Variants in PEX5L observed in about 807,000 individuals in gnomAD.
PEX5L encodes the protein PEX5-related protein.
Under a neutral mutation model 84.0 loss-of-function variants are expected in PEX5L, and 30 were observed. That is an observed-to-expected ratio of 0.36 (90% CI 0.27 to 0.48). The LOEUF is 0.48. Among genes scored for constraint, PEX5L ranks in the 20% least tolerant of loss-of-function variants. PEX5L has a pLI of 0.99. For missense variants in PEX5L, 533 were observed against 754.6 expected (o/e 0.71, Z 3.44); for synonymous variants, 270 against 283.1 (o/e 0.95, Z 0.46).
In PEX5L at chr3:179,805,448, G is replaced by A. The variant is rs143010722; in HGVS notation, c.1676+2226C>T. On this transcript the variant is annotated intron_variant, in intron 14 of 14. Transcript: ENST00000467460. ...ATAGCATAATATTTGCATATAGCCT[G>A]CACACACCTCCCATATACTTTAAAT... is the stretch of plus-strand genomic sequence containing the variant. Among the ~76,000 whole-genome samples the A allele has an allele frequency of 8.1e-3, 1,237 of 152,102 alleles. 20 individuals carry two copies. The highest frequency in any genetic ancestry group is 0.029 in the African/African-American group (1,198 of 41,468).
chr3:179,916,224 C>T (rs1767034676), intron 2 of PEX5L, among the ~76,000 whole-genome samples: 2 of 152,132 alleles, frequency 1.3e-5, no homozygotes, highest in South Asian at 2.1e-4. Flanking sequence ...CGTGTGGACA[C>T]TATAGAGTGT....
chr3:179,997,562 T>C (rs551535819), intron 1 of PEX5L, among the ~76,000 whole-genome samples: 1 of 152,072 alleles, frequency 6.6e-6, no homozygotes, highest in African/African-American at 2.4e-5. Flanking sequence ...CCTGGAGGGG[T>C]TGCAGAGATT....
chr3:179,833,086 TTA>T (rs1443583541), intron 8 of PEX5L, among the ~76,000 whole-genome samples: 2 of 152,178 alleles, frequency 1.3e-5, no homozygotes, highest in African/African-American at 4.8e-5. Context: ...CAACTCCTCC[TTA>T]TGAGGATGGA....
chr3:179,940,687 G>A (rs28433047), intron 2 of PEX5L, among the ~76,000 whole-genome samples: 5,231 of 152,194 alleles, frequency 0.034, 309 homozygotes, highest in African/African-American at 0.12. Context: ...TGCTCTGCCT[G>A]TATATTTAGA....
At chr3:179,938,470 T>C (rs1174378377) in intron 2 of PEX5L, among the ~76,000 whole-genome samples, 1 of 152,236 alleles carries the variant, frequency 6.6e-6, no homozygotes, top group Non-Finnish European at 1.5e-5. Flanking sequence ...GCATGATGAA[T>C]ACAAACCTCT....
chr3:180,007,734 AGGTTTGT>A (rs1789047352), intron 1 of PEX5L, among the ~76,000 whole-genome samples: 1 of 152,226 alleles, frequency 6.6e-6, no homozygotes, highest in South Asian at 2.1e-4. Flanking sequence ...GAAGCTGCCA[AGGTTTGT>A]GGCTTGTACT....
intron 2 of PEX5L, among the ~76,000 whole-genome samples, chr3:179,901,011 CTG>C (rs1243691199): frequency 6.6e-6 from 1 of 152,168 alleles, no homozygotes; most frequent in African/African-American, 2.4e-5. Context: ...TAAAATCAAG[CTG>C]TGTTATTTCT....
rs114113887 is a variant in PEX5L at position 179,817,472 on chromosome 3, T to C, written c.940-1468A>G. Among the ~76,000 whole-genome samples, 245 of 152,316 alleles carry C rather than the reference T, an allele frequency of 1.6e-3. 1 individual carries two copies. Among genetic ancestry groups the C allele is most frequent in the African/African-American group, 5.5e-3 (230 of 41,560 alleles). The stretch of plus-strand genomic sequence containing the variant: ...AAATAAAACTACGGTGAAAGCCTTA[T>C]GCACAAATCTTTGCTGCATGTACTT... On this transcript the variant is annotated intron_variant, in intron 9 of 14. Transcript: ENST00000467460.
At chr3:180,022,891 G>T (rs1235571916) in intron 1 of PEX5L, among the ~76,000 whole-genome samples, 1 of 152,202 alleles carries the variant, frequency 6.6e-6, no homozygotes, top group East Asian at 1.9e-4. Flanking sequence ...AAATGTTACA[G>T]GTGTTGAGTG....
intron 1 of PEX5L, 87 bp downstream of exon 1, chr3:180,036,492 C>T (rs921550296): frequency 3.3e-6 from 4 of 1,217,444 alleles, no homozygotes; most frequent in African/African-American, 3.0e-5. Context: ...TGTGCGAAGG[C>T]AGCACTTGAC....
At chr3:179,971,473 TTATGCAGGCTTTAGTCA>T (rs1483200987) in intron 2 of PEX5L, 104 bp downstream of exon 2, 1 of 1,291,104 alleles carries the variant, frequency 7.7e-7, no homozygotes, top group African/African-American at 1.5e-5. Context: ...CAAAATCTTG[TTATGCAGGCTTTAGTCA>T]GACAGGCTAA....
In PEX5L at chr3:180,023,804, A is replaced by ACCCCCTTCAGAGCCATAC. The variant is rs1430504391; in HGVS notation, c.21+12774_21+12775insGTATGGCTCTGAAGGGGG. Among the ~76,000 whole-genome samples the ACCCCCTTCAGAGCCATAC allele has an allele frequency of 4.5e-4, 66 of 147,500 alleles. 1 individual carries two copies. The highest frequency in any genetic ancestry group is 1.6e-3 in the African/African-American group (61 of 37,204). ...GAGAGAGAGAGAGAGAGAGGGAGAG[A>ACCCCCTTCAGAGCCATAC]CTAGCTGCTTGGTAGAGGAGACCCC... On this transcript the variant is annotated intron_variant, in intron 1 of 14. Transcript: ENST00000467460.
At chr3:180,014,982 T>C (rs1010548517) in intron 1 of PEX5L, among the ~76,000 whole-genome samples, 34 of 152,302 alleles carry the variant, frequency 2.2e-4, no homozygotes, top group African/African-American at 7.2e-4. Context: ...AGCACTGACA[T>C]AGAGCATAAA....
At chr3:180,017,502 T>C (rs1239738982) in intron 1 of PEX5L, among the ~76,000 whole-genome samples, 1 of 152,182 alleles carries the variant, frequency 6.6e-6, no homozygotes, top group Non-Finnish European at 1.5e-5. Context: ...GGACTATCTT[T>C]CAATATTTAA....
chr3:179,830,119 A>T (rs1275320467), intron 8 of PEX5L, among the ~76,000 whole-genome samples: 1 of 151,946 alleles, frequency 6.6e-6, no homozygotes, highest in Non-Finnish European at 1.5e-5. Flanking sequence ...TCTAAAGCCC[A>T]TATAGATACT....
chr3:179,835,228 TC>T lies in PEX5L; in HGVS notation c.823-15253del, dbSNP rs959188380. On this transcript the variant is annotated intron_variant, in intron 8 of 14. Transcript: ENST00000467460. Reference sequence around the variant, plus strand: ...CCAAGTCAGAAAACATACACTCTTGTCCTGGTGCTACCACTCCCCTAGAGAT... The same window carrying T: ...CCAAGTCAGAAAACATACACTCTTGTCTGGTGCTACCACTCCCCTAGAGAT... Among the ~76,000 whole-genome samples the T allele has an allele frequency of 1.1e-4, 17 of 152,346 alleles. No individual in the cohort carries two copies. In the Middle Eastern group the frequency reaches 0.01, roughly 91 times the overall value.
intron 6 of PEX5L, 111 bp from the exon 7 acceptor site, chr3:179,874,534 C>G (rs1473010635): frequency 1.2e-5 from 7 of 601,044 alleles, no homozygotes; most frequent in African/African-American, 1.9e-5. Context: ...TGTCAAAGCT[C>G]TCATCAAAAT....
intron 8 of PEX5L, chr3:179,820,218 T>C: frequency 1.9e-6 from 1 of 515,264 alleles, no homozygotes; most frequent in Non-Finnish European, 3.4e-6. Flanking sequence ...CAGGACCACA[T>C]ATGCCAAATT....
chr3:179,980,311 T>C (rs1018984355), intron 1 of PEX5L, among the ~76,000 whole-genome samples: 29 of 151,998 alleles, frequency 1.9e-4, no homozygotes, highest in African/African-American at 7.0e-4. Flanking sequence ...TTGAGGGTTA[T>C]TATTATTATT....
Sources: gnomAD v4.1 joint callset for allele counts (sites outside exome capture counted in the v4.1 genomes callset) on GRCh38, gnomAD v4.1.1 for gene constraint, MANE v1.5 for transcripts, NCBI Gene and HGNC (gene_info 2026-07-23, HGNC 2026-07-21) for gene names.